BMP8B: variants seen among roughly 807,000 people sequenced by gnomAD.
BMP8B encodes the protein bone morphogenetic protein 8b.
BMP8B carries 17 observed loss-of-function variants against 30.3 expected under a neutral mutation model. The ratio of observed to expected loss-of-function variants is 0.56; its 90% CI spans 0.38 to 0.84. BMP8B has a LOEUF of 0.84. BMP8B is among the 40% of genes least tolerant of loss of function. The probability of loss-of-function intolerance (pLI) is 0.00; values close to 1 mark genes in which losing one functional copy is unlikely to be tolerated. For synonymous variants in BMP8B, 131 were observed against 214.7 expected (o/e 0.61, Z 3.41); for missense variants, 253 against 494.6 (o/e 0.51, Z 4.63).
At position 39,770,572 on chromosome 1, in the gene BMP8B, G is replaced by A. The variant is rs753218433; in HGVS notation, c.673+3736C>T. On this transcript the variant is annotated intron_variant, in intron 3 of 6. Transcript: ENST00000372827. Reference sequence around the variant, plus strand: ...CTTTGCACATGGGCACGTTGAAATTGCGGGCGCTTCTCCTGAAGACCACGT... The same window carrying A: ...CTTTGCACATGGGCACGTTGAAATTACGGGCGCTTCTCCTGAAGACCACGT... 5.6e-6 allele frequency: 9 copies of A among 1,606,362 alleles called. 2 individuals carry two copies. The East Asian group carries it at 1.8e-4, about 33-fold the overall frequency.
chr1:39,766,517 G>A (rs1418921270), intron 3 of BMP8B, among the ~76,000 whole-genome samples: 1 of 119,908 alleles, frequency 8.3e-6, no homozygotes, highest in Non-Finnish European at 1.7e-5. Flanking sequence ...CCCACTCAAA[G>A]GTCAGCCCTT....
chr1:39,770,316 T>A, intron 3 of BMP8B: 1 of 1,587,042 alleles, frequency 6.3e-7, no homozygotes, highest in Non-Finnish European at 8.5e-7. Context: ...TTGGCGTACA[T>A]GCCGTCCTCA....
At chr1:39,779,883 T>C (rs1485436716) in intron 1 of BMP8B, among the ~76,000 whole-genome samples, 1 of 152,250 alleles carries the variant, frequency 6.6e-6, no homozygotes, top group South Asian at 2.1e-4. Flanking sequence ...TTAGGGCTAA[T>C]AATCCAGGAA....
chr1:39,778,482 G>A (rs923413794), intron 1 of BMP8B, among the ~76,000 whole-genome samples: 1 of 151,308 alleles, frequency 6.6e-6, no homozygotes. Context: ...TGTTGGTTCT[G>A]CGTCCTGAAG....
At chr1:39,783,232 C>T (rs991539700) in intron 1 of BMP8B, among the ~76,000 whole-genome samples, 2 of 152,212 alleles carry the variant, frequency 1.3e-5, no homozygotes, top group Non-Finnish European at 2.9e-5. Context: ...CCAGGGCCTA[C>T]CCTCCTACAG....
chr1:39,787,695 G>A (rs1651081673), intron 1 of BMP8B, among the ~76,000 whole-genome samples: 1 of 152,160 alleles, frequency 6.6e-6, no homozygotes, highest in Non-Finnish European at 1.5e-5. Context: ...AGAGCCTGCT[G>A]TGGACTCAGG....
chr1:39,760,610 GCCT>G (rs1340362847), intron 6 of BMP8B, 42 bp from the exon 7 acceptor site: 9 of 1,597,784 alleles, frequency 5.6e-6, no homozygotes, highest in Non-Finnish European at 7.7e-6. Context: ...GAGCCCAGTG[GCCT>G]CCTCCAAGGA....
At chr1:39,777,009 T>C (rs1033074632) in intron 1 of BMP8B, among the ~76,000 whole-genome samples, 4 of 152,204 alleles carry the variant, frequency 2.6e-5, no homozygotes, top group Non-Finnish European at 5.9e-5. Context: ...TAATGGGTGC[T>C]TTTCATAGGG....
intron 1 of BMP8B, among the ~76,000 whole-genome samples, chr1:39,785,842 C>T (rs537940065): frequency 6.6e-6 from 1 of 152,316 alleles, no homozygotes; most frequent in Non-Finnish European, 1.5e-5. Context: ...CAGTAATTAC[C>T]AGTTAAAGCT....
At chr1:39,782,883 T>C (rs1263488449) in intron 1 of BMP8B, among the ~76,000 whole-genome samples, 1 of 152,106 alleles carries the variant, frequency 6.6e-6, no homozygotes, top group Non-Finnish European at 1.5e-5. Flanking sequence ...AACCTCCATC[T>C]CCCAGGTTCC....
intron 1 of BMP8B, among the ~76,000 whole-genome samples, chr1:39,787,609 G>C (rs1000970281): frequency 1.3e-5 from 2 of 151,986 alleles, no homozygotes; most frequent in African/African-American, 4.8e-5. Flanking sequence ...AACAGTCCCT[G>C]CCCCAGCGAG....
At position 39,788,512 on chromosome 1, in the gene BMP8B, C is replaced by T; in HGVS notation, c.-27G>A. The T allele has an allele frequency of 9.9e-7, 1 of 1,006,032 alleles. No homozygotes were observed. The highest frequency in any genetic ancestry group is 1.2e-6 in the Non-Finnish European group (1 of 845,096). 62.3% of individuals were successfully genotyped at this position (1,006,032 alleles called of 1,614,324 possible). ...GCAGGCCGGGGGCGCTCAGCTGGGGCGCTCAGCGGGCGCGCATCGGCTCCG... is the reference window on the plus strand; with the variant it reads ...GCAGGCCGGGGGCGCTCAGCTGGGGTGCTCAGCGGGCGCGCATCGGCTCCG... On this transcript the variant is annotated 5_prime_UTR_variant, in exon 1 of 7. Transcript: ENST00000372827. This position sits in a 1 kb window ranked among gnomAD's most constrained non-coding sequence, Gnocchi z 5.8.
At position 39,760,410 on chromosome 1, in the gene BMP8B, C is replaced by G. The variant is rs185202946; in HGVS notation, c.*9G>C. On this transcript the variant is annotated 3_prime_UTR_variant, in exon 7 of 7. Transcript: ENST00000372827. ...GAAGGGTGGCTGCAGCTGGGCCGGGCGGGTGGACTCAGTGGCAGCCGCAGG... is the reference window on the plus strand; with the variant it reads ...GAAGGGTGGCTGCAGCTGGGCCGGGGGGGTGGACTCAGTGGCAGCCGCAGG... The G allele has an allele frequency of 2.3e-5, 37 of 1,613,406 alleles. No individual in the cohort carries two copies. Among genetic ancestry groups the G allele is most frequent in the Non-Finnish European group, 2.5e-5 (29 of 1,179,952 alleles).
intron 1 of BMP8B, among the ~76,000 whole-genome samples, chr1:39,787,242 G>A (rs1651046407): frequency 6.8e-6 from 1 of 147,980 alleles, no homozygotes; most frequent in Non-Finnish European, 1.5e-5. Context: ...CCGGGGCCAG[G>A]GACCCTCTCC....
In BMP8B at chr1:39,788,313, G is replaced by A; in HGVS notation, c.173C>T (p.Pro58Leu). 3.2e-6 allele frequency: 4 copies of A among 1,243,158 alleles called. No homozygotes were observed. The highest frequency in any genetic ancestry group is 4.0e-6 in the Non-Finnish European group (4 of 998,916). The allele number at this position is 1,243,158 out of a possible 1,614,324, so 77.0% of individuals were successfully genotyped here. A position where few individuals can be genotyped will look rare whatever the true frequency, so the allele number is the denominator to read the frequency against. Reference protein sequence around the residue: ...ILAVLGLPGRPRPRAPPAASR... With the variant: ...ILAVLGLPGRLRPRAPPAASR... ...GGCGGCGGGTGGCGCGCGGGGCCGG[G>A]GCCGCCCAGGCAGCCCGAGCACCGC... Residue 58 changes from proline (P) to leucine (L), a missense_variant, in exon 1 of 7, where the codon CCC becomes CTC. Pro to Leu is a moderately conservative substitution (Grantham distance 98). Coordinates refer to ENST00000372827, the MANE Select transcript of BMP8B (RefSeq NM_001720.5). This position sits in a 1 kb window ranked among gnomAD's most constrained non-coding sequence, Gnocchi z 5.8.
In BMP8B at chr1:39,763,782, T is replaced by C. The variant is rs17403490; in HGVS notation, c.878A>G (p.His293Arg). The C allele has an allele frequency of 0.015, 24,001 of 1,555,068 alleles. 1,266 individuals carry two copies. The highest frequency in any genetic ancestry group is 0.034 in the Middle Eastern group (188 of 5,496). ...NRLPGIFDDV[H>R]GSHGRQVCRR... is the part of the protein sequence containing the mutation. ...GCAGACCTGCCGGCCGTGGGAGCCG[T>C]GGACGTCATCTGCAGGGACAGAAGG... Residue 293 changes from histidine (H) to arginine (R), a missense_variant, in exon 5 of 7, where the codon CAC (histidine) becomes CGC (arginine). Physicochemically the swap from His to Arg is conservative, Grantham distance 29. Around this residue, in one of 7 missense-constraint regions of BMP8B, gnomAD observed 8 missense variants for 43.1 expected, o/e 0.19. Coordinates refer to ENST00000372827, the MANE Select transcript of BMP8B (RefSeq NM_001720.5).
chr1:39,781,190 A>G (rs1476336683), intron 1 of BMP8B, among the ~76,000 whole-genome samples: 1 of 152,242 alleles, frequency 6.6e-6, no homozygotes, highest in Non-Finnish European at 1.5e-5. Context: ...AGGAGTGTTC[A>G]TAGACTGCTC....
At chr1:39,779,000 A>T (rs886458197) in intron 1 of BMP8B, among the ~76,000 whole-genome samples, 2 of 152,190 alleles carry the variant, frequency 1.3e-5, no homozygotes, top group African/African-American at 4.8e-5. Context: ...CCAAGGAGGG[A>T]CAGAGGGTTT....
chr1:39,786,168 G>A (rs1391829030), intron 1 of BMP8B, among the ~76,000 whole-genome samples: 1 of 152,210 alleles, frequency 6.6e-6, no homozygotes, highest in African/African-American at 2.4e-5. Flanking sequence ...GAATTGTAAG[G>A]CTGTGAAAGT....
Sources: gnomAD v4.1 joint callset for allele counts (sites outside exome capture counted in the v4.1 genomes callset) on GRCh38, gnomAD v4.1.1 for gene constraint, gnomAD v4.1.1 regional missense constraint, Gnocchi (gnomAD v3.1) non-coding constraint, MANE v1.5 for transcripts, NCBI Gene and HGNC (gene_info 2026-07-23, HGNC 2026-07-21) for gene names.